KANK4: variants seen among roughly 807,000 people sequenced by gnomAD.
The protein encoded by KANK4 is KN motif and ankyrin repeat domains 4, also known as KN motif and ankyrin repeat domain-containing protein 4.
Under a neutral mutation model 80.8 loss-of-function variants are expected in KANK4, and 50 were observed. The observed-to-expected ratio is 0.62, with a 90% CI of 0.49 to 0.78. KANK4 has a LOEUF of 0.78. Among genes scored for constraint, KANK4 ranks in the 30% least tolerant of loss-of-function variants. The pLI, the probability that KANK4 is intolerant of heterozygous loss-of-function variation, is 0.00. For synonymous variants in KANK4, 465 were observed against 506.9 expected, an observed-to-expected ratio of 0.92 and a Z score of 1.11; for missense variants, 1,196 against 1,240.1, an observed-to-expected ratio of 0.96 and a Z score of 0.53.
At chr1:62,268,168 A>T in intron 5 of KANK4, 119 bp downstream of exon 5, 1 of 821,722 alleles carries the variant, frequency 1.2e-6, no homozygotes, top group Non-Finnish European at 2.0e-6. Context: ...ACAGAGACTT[A>T]AACAACACTG....
intron 7 of KANK4, among the ~76,000 whole-genome samples, chr1:62,256,946 A>G (rs1309599916): frequency 6.6e-6 from 1 of 152,128 alleles, no homozygotes; most frequent in African/African-American, 2.4e-5. Context: ...GTTTGCTTTT[A>G]AGATGTGTAA....
At chr1:62,318,105 G>T (rs1215637382) in intron 1 of KANK4, among the ~76,000 whole-genome samples, 1 of 152,204 alleles carries the variant, frequency 6.6e-6, no homozygotes, top group African/African-American at 2.4e-5. Context: ...CTTGGGAATC[G>T]TGTTTAACTC....
In KANK4 at chr1:62,236,423, A is replaced by G. The variant is rs1035197872; in HGVS notation, c.*1854T>C. On this transcript the variant is annotated 3_prime_UTR_variant, in exon 10 of 10. Coordinates refer to ENST00000371153, the MANE Select transcript of KANK4 (RefSeq NM_181712.5). The stretch of plus-strand genomic sequence containing the variant: ...ACAATGTATTTTGAGGTCAAAATAA[A>G]CTCATTTAAAGCATTTTTTTTCTCA... 2.6e-5 allele frequency among the ~76,000 whole-genome samples: 4 copies of G among 152,064 alleles called. No homozygotes were observed. The highest frequency in any genetic ancestry group is 4.4e-5 in the Non-Finnish European group (3 of 68,010).
At chr1:62,288,627 C>T (rs1351788777) in intron 1 of KANK4, among the ~76,000 whole-genome samples, 1 of 152,158 alleles carries the variant, frequency 6.6e-6, no homozygotes, top group Admixed American at 6.5e-5. Context: ...ATCAGCTATT[C>T]TAAAGATTGA....
At chr1:62,271,396 C>G (rs1380203005) in intron 4 of KANK4, 82 bp downstream of exon 4, 1 of 910,066 alleles carries the variant, frequency 1.1e-6, no homozygotes, top group East Asian at 2.4e-5. Context: ...CCAGATGCCT[C>G]CCCCTAGGAA....
intron 8 of KANK4, among the ~76,000 whole-genome samples, chr1:62,248,675 G>T (rs1460772023): frequency 1.3e-5 from 2 of 151,556 alleles, no homozygotes; most frequent in Non-Finnish European, 2.9e-5. Flanking sequence ...CGCCCAAGTA[G>T]CTGGGATTAC....
At chr1:62,286,710 G>A (rs1672575622) in intron 1 of KANK4, among the ~76,000 whole-genome samples, 2 of 152,136 alleles carry the variant, frequency 1.3e-5, no homozygotes, top group South Asian at 4.1e-4. Flanking sequence ...CCCTTCAGTA[G>A]TGCATCACTT....
intron 1 of KANK4, among the ~76,000 whole-genome samples, chr1:62,293,397 A>C (rs953272394): frequency 6.6e-6 from 1 of 151,978 alleles, no homozygotes; most frequent in Non-Finnish European, 1.5e-5. Context: ...GCCCGGCCTC[A>C]ATTCTTGAAA....
intron 1 of KANK4, chr1:62,298,111 G>A (rs954086303): frequency 3.3e-5 from 5 of 152,148 alleles, no homozygotes; most frequent in Non-Finnish European, 7.4e-5. Context: ...TACAAAATCA[G>A]AATCACAGGG....
At chr1:62,248,029 G>A (rs1393167786) in intron 8 of KANK4, among the ~76,000 whole-genome samples, 3 of 152,074 alleles carry the variant, frequency 2.0e-5, no homozygotes, top group African/African-American at 7.2e-5. Context: ...CACCAAGAAC[G>A]TGCTGATAAA....
intron 1 of KANK4, among the ~76,000 whole-genome samples, chr1:62,303,152 G>A (rs575788684): frequency 6.8e-6 from 1 of 147,808 alleles, no homozygotes; most frequent in East Asian, 2.0e-4. Flanking sequence ...AGTCAGTGAG[G>A]ATACTGGGAT....
intron 1 of KANK4, among the ~76,000 whole-genome samples, chr1:62,316,261 G>A (rs941016389): frequency 3.3e-5 from 5 of 152,218 alleles, no homozygotes; most frequent in Non-Finnish European, 7.3e-5. Flanking sequence ...GGCAAAGGGC[G>A]GTGAACAGGC....
chr1:62,318,553 C>G (rs1056566211), intron 1 of KANK4, among the ~76,000 whole-genome samples: 1 of 152,230 alleles, frequency 6.6e-6, no homozygotes, highest in African/African-American at 2.4e-5. Flanking sequence ...AAAGGGAGCC[C>G]TGGAAAGTTC....
At chr1:62,258,619 C>T (rs1251573057) in intron 7 of KANK4, among the ~76,000 whole-genome samples, 3 of 152,184 alleles carry the variant, frequency 2.0e-5, no homozygotes, top group Non-Finnish European at 2.9e-5. Flanking sequence ...AGTCATCCAT[C>T]GCTCATTCAT....
intron 5 of KANK4, 22 bp downstream of exon 5, chr1:62,268,265 G>T: frequency 6.3e-7 from 1 of 1,592,582 alleles, no homozygotes; most frequent in Non-Finnish European, 8.6e-7. Flanking sequence ...ACAAGTGCCC[G>T]CGTTTGTGTC....
chr1:62,279,196 G>GCACACACACACACACA (rs1457451049), intron 2 of KANK4, among the ~76,000 whole-genome samples: 1 of 51,676 alleles, frequency 1.9e-5, no homozygotes, highest in African/African-American at 6.4e-5. Flanking sequence ...AAGCTAGCGC[G>GCACACACACACACACA]CGCACACACA....
intron 9 of KANK4, among the ~76,000 whole-genome samples, chr1:62,244,548 G>A (rs1281161452): frequency 6.6e-6 from 1 of 152,068 alleles, no homozygotes; most frequent in African/African-American, 2.4e-5. Context: ...GTTATTATAA[G>A]GGGGAGTTTT....
chr1:62,256,026 G>A (rs1168493310), intron 7 of KANK4, among the ~76,000 whole-genome samples: 3 of 152,192 alleles, frequency 2.0e-5, no homozygotes, highest in African/African-American at 7.2e-5. Flanking sequence ...GGACAGCTTT[G>A]AATGTGGCCC....
At chr1:62,243,958 GT>G (rs949719352) in intron 9 of KANK4, among the ~76,000 whole-genome samples, 8 of 148,298 alleles carry the variant, frequency 5.4e-5, no homozygotes, top group South Asian at 2.1e-4. Context: ...TGATGTGGTG[GT>G]TTTTTTTTTG....
Sources: allele counts gnomAD v4.1 joint callset (sites outside exome capture counted in the v4.1 genomes callset), GRCh38; gene constraint gnomAD v4.1.1; transcripts MANE v1.5; gene names NCBI Gene and HGNC (gene_info 2026-07-23, HGNC 2026-07-21).